Variants in CEACAM21 observed in about 807,000 individuals in gnomAD.
The protein encoded by CEACAM21 is CEA cell adhesion molecule 21.
A neutral mutation model predicts 33.2 loss-of-function variants in CEACAM21; 38 were observed. That is an observed-to-expected ratio of 1.14 (90% CI 0.88 to 1.50). CEACAM21 has a LOEUF of 1.50. Ranked by LOEUF, CEACAM21 falls within the 40% of genes most tolerant of loss-of-function variation. The probability of loss-of-function intolerance (pLI) is 0.00; values close to 1 mark genes in which losing one functional copy is unlikely to be tolerated. For missense variants in CEACAM21, 385 were observed against 364.6 expected (o/e 1.06, Z -0.46); for synonymous variants, 156 against 143.0 (o/e 1.09, Z -0.65).
chr19:41,566,755 C>T (rs1317204884), intron 2 of CEACAM21, among the ~76,000 whole-genome samples: 2 of 152,118 alleles, frequency 1.3e-5, no homozygotes, highest in Admixed American at 6.5e-5. Context: ...TAAAATTCAC[C>T]ATAAAAATAT....
upstream of CEACAM21, among the ~76,000 whole-genome samples, chr19:41,573,783 C>A (rs562388882): frequency 6.6e-6 from 1 of 152,146 alleles, no homozygotes; most frequent in Non-Finnish European, 1.5e-5. Flanking sequence ...AATTTATCTA[C>A]TTAGATTAAG....
At chr19:41,576,140 T>G (rs1482538876), upstream of CEACAM21, 4 of 1,001,236 alleles carry the variant, frequency 4.0e-6, no homozygotes, top group Non-Finnish European at 6.0e-6. Context: ...AAACGGGAAG[T>G]GCTCCTGCCT....
intron 3 of CEACAM21, 145 bp downstream of exon 3, chr19:41,579,773 T>G: frequency 3.1e-6 from 2 of 644,918 alleles, no homozygotes; most frequent in Non-Finnish European, 5.2e-6. Context: ...GGGATTAGAC[T>G]CATCCAGTTA....
chr19:41,586,407 G>A (rs2070738870), intron 6 of CEACAM21, 57 bp from the exon 7 acceptor site: 6 of 616,818 alleles, frequency 9.7e-6, no homozygotes, highest in South Asian at 2.7e-5. Context: ...AGAGAGAGAT[G>A]CCAGACCCTG....
chr19:41,576,250 G>C lies in CEACAM21; in HGVS notation c.-25G>C. 6.2e-7 allele frequency: 1 copy of C among 1,613,866 alleles called. No homozygotes were observed. Among genetic ancestry groups the C allele is most frequent in the East Asian group, 2.2e-5 (1 of 44,864 alleles). The stretch of plus-strand genomic sequence containing the variant: ...GGAGCCCAAGCTCCTCTCCACAGAG[G>C]AGGACAGAGCAGGCAGCAGAGACCA... On this transcript the variant is annotated 5_prime_UTR_variant, in exon 1 of 7. Transcript: ENST00000401445.
At chr19:41,566,307 T>C (rs2042261890) in intron 2 of CEACAM21, among the ~76,000 whole-genome samples, 1 of 152,204 alleles carries the variant, frequency 6.6e-6, no homozygotes, top group African/African-American at 2.4e-5. Context: ...ATGTGTTTCC[T>C]TTACCTATAA....
At position 41,579,395 on chromosome 19, in the gene CEACAM21, T is replaced by G; in HGVS notation, c.467T>G (p.Val156Gly). ...TCCATCCAAGCCAGCAGCACCACAGTCACAGAGAAGGGCTCCGTGGTCCTG... is the reference window on the plus strand; with the variant it reads ...TCCATCCAAGCCAGCAGCACCACAGGCACAGAGAAGGGCTCCGTGGTCCTG... ...QPSIQASSTT[V>G]TEKGSVVLTC... Residue 156 changes from valine (V) to glycine (G), a missense_variant, in exon 3 of 7, where the codon GTC becomes GGC. By Grantham distance (109) the Val-to-Gly change is moderately radical. Transcript: ENST00000401445. The G allele has an allele frequency of 6.2e-7, 1 of 1,613,904 alleles. No homozygotes were observed. The highest frequency in any genetic ancestry group is 8.5e-7 in the Non-Finnish European group (1 of 1,179,862).
chr19:41,556,067 C>G (rs568616276), intron 1 of CEACAM21, among the ~76,000 whole-genome samples: 7 of 152,200 alleles, frequency 4.6e-5, no homozygotes, highest in Admixed American at 6.5e-5. Flanking sequence ...ACAAGGAGAA[C>G]AGGAGACCCC....
Position 41,586,644 on chromosome 19 carries a change from A to G in CEACAM21, c.*181A>G. 1.9e-6 allele frequency: 1 copy of G among 539,372 alleles called. No homozygotes were observed. The highest frequency in any genetic ancestry group is 3.6e-6 in the Non-Finnish European group (1 of 278,570). The allele number at this position is 539,372 out of a possible 1,614,324, so 33.4% of individuals were successfully genotyped here. On this transcript the variant is annotated 3_prime_UTR_variant, in exon 7 of 7. Transcript: ENST00000401445. ...AGAACCAGCTCTGAGTCCTGAGGAG[A>G]CACAGGCCTGGGGACAGGAAGGGAT...
At chr19:41,573,758 A>C (rs530108638), upstream of CEACAM21, among the ~76,000 whole-genome samples, 11 of 152,326 alleles carry the variant, frequency 7.2e-5, no homozygotes, top group African/African-American at 2.6e-4. Flanking sequence ...GCAACTCAGA[A>C]AAGAAAGTGG....
At chr19:41,585,813 C>T (rs782779363) in intron 5 of CEACAM21, 27 bp from the exon 6 acceptor site, 11 of 1,609,572 alleles carry the variant, frequency 6.8e-6, no homozygotes, top group Admixed American at 1.7e-5. Context: ...CTAACACTCT[C>T]GTGCTCACTT....
At chr19:41,568,964 T>C (rs1161519591) in intron 2 of CEACAM21, among the ~76,000 whole-genome samples, 1 of 152,242 alleles carries the variant, frequency 6.6e-6, no homozygotes, top group Non-Finnish European at 1.5e-5. Flanking sequence ...CGTGTGTCTT[T>C]TTCAATTTAT....
At chr19:41,558,058 G>A (rs575435773) in intron 1 of CEACAM21, among the ~76,000 whole-genome samples, 2 of 152,248 alleles carry the variant, frequency 1.3e-5, no homozygotes, top group South Asian at 2.1e-4. Context: ...CTATTTTCAG[G>A]CGATAAACAA....
chr19:41,586,482 A>G lies in CEACAM21; in HGVS notation c.*19A>G, dbSNP rs201850772. On this transcript the variant is annotated 3_prime_UTR_variant, in exon 7 of 7. Coordinates refer to ENST00000401445, the MANE Select transcript of CEACAM21 (RefSeq NM_001098506.4). ...TTTACAGGAATTGCTACACTCTGAC[A>G]CAAACATTTACTGCTGGATCGACCA... The G allele has an allele frequency of 5.5e-4, 346 of 634,510 alleles. 54 individuals are homozygous for G. In the East Asian group the frequency reaches 8.9e-3, roughly 16 times the overall value. The allele number at this position is 634,510 out of a possible 1,614,324, so 39.3% of individuals were successfully genotyped here.
At chr19:41,585,544 C>A in intron 5 of CEACAM21, 49 bp downstream of exon 5, 1 of 1,591,172 alleles carries the variant, frequency 6.3e-7, no homozygotes, top group Non-Finnish European at 8.6e-7. Context: ...TAAGCCAGCC[C>A]CAAGTTGTCC....
intron 3 of CEACAM21, among the ~76,000 whole-genome samples, chr19:41,581,023 G>A (rs1240799397): frequency 7.2e-5 from 11 of 152,212 alleles, no homozygotes; most frequent in African/African-American, 7.2e-5. Context: ...CCAGAAAATG[G>A]GTGTATTAGT....
At chr19:41,578,640 G>A (rs781889989) in intron 2 of CEACAM21, among the ~76,000 whole-genome samples, 11 of 152,162 alleles carry the variant, frequency 7.2e-5, no homozygotes, top group Non-Finnish European at 1.2e-4. Flanking sequence ...TCTGGTCTGA[G>A]GAATGACGGG....
chr19:41,559,002 C>T (rs1555786196), intron 1 of CEACAM21, among the ~76,000 whole-genome samples: 1 of 152,152 alleles, frequency 6.6e-6, no homozygotes, highest in African/African-American at 2.4e-5. Flanking sequence ...GAGTGTCACA[C>T]TTTAATAGGA....
intron 1 of CEACAM21, among the ~76,000 whole-genome samples, chr19:41,556,630 T>G (rs1555785687): frequency 6.6e-6 from 1 of 152,174 alleles, no homozygotes; most frequent in African/African-American, 2.4e-5. Context: ...ACTAAATAGG[T>G]AAAAAAGTCA....
Sources: gnomAD v4.1 joint callset for allele counts (sites outside exome capture counted in the v4.1 genomes callset) on GRCh38, gnomAD v4.1.1 for gene constraint, MANE v1.5 for transcripts, NCBI Gene and HGNC (gene_info 2026-07-23, HGNC 2026-07-21) for gene names.